The following UQCRC1 variants were observed in gnomAD, a reference collection of about 807,000 sequenced individuals.
UQCRC1 encodes ubiquinol-cytochrome c reductase core protein 1.
A neutral mutation model predicts 58.0 loss-of-function variants in UQCRC1; 34 were observed. That is an observed-to-expected ratio of 0.59 (90% CI 0.45 to 0.78). UQCRC1 has a LOEUF of 0.78. UQCRC1 is among the 30% of genes least tolerant of loss of function. The pLI is 0.00. For synonymous variants in UQCRC1, 276 were observed against 248.8 expected (o/e 1.11, Z -1.03); for missense variants, 610 against 646.0 (o/e 0.94, Z 0.60).
At position 48,599,075 on chromosome 3, in the gene UQCRC1, G is replaced by T. The variant is rs370109439; in HGVS notation, c.*53C>A. On this transcript the variant is annotated 3_prime_UTR_variant, in exon 13 of 13. Transcript: ENST00000203407. ...GAGCCGAAGTGCTGTGTTTGTGGTG[G>T]GGGGGGGACCACAAACCCCGGCCCT... The T allele has an allele frequency of 2.1e-5, 33 of 1,590,308 alleles. No individual in the cohort carries two copies. Among genetic ancestry groups the T allele is most frequent in the Non-Finnish European group, 2.8e-5 (32 of 1,161,684 alleles).
At position 48,600,501 on chromosome 3, in the gene UQCRC1, G is replaced by A. The variant is rs375476376; in HGVS notation, c.1194C>T (p.Ala398=). Residue 398 remains alanine, a synonymous_variant, in exon 10 of 13, where the codon GCC becomes GCT. Coordinates refer to ENST00000203407, the MANE Select transcript of UQCRC1 (RefSeq NM_003365.3). Reference sequence around the variant, plus strand: ...ACTCACCATCTAGATGAGATACCAGGGCATTTCTGAGGATGTTTTTGCCCC... The same window carrying A: ...ACTCACCATCTAGATGAGATACCAGAGCATTTCTGAGGATGTTTTTGCCCC... The part of the protein sequence containing the change: ...VARGKNILRN[A]LVSHLDGTTP... 6.2e-7 allele frequency: 1 copy of A among 1,614,088 alleles called. No homozygotes were observed. The highest frequency in any genetic ancestry group is 8.5e-7 in the Non-Finnish European group (1 of 1,180,012).
chr3:48,608,770 T>C (rs916984344), intron 2 of UQCRC1, among the ~76,000 whole-genome samples: 2 of 152,224 alleles, frequency 1.3e-5, no homozygotes, highest in African/African-American at 4.8e-5. Context: ...AATGTATTTC[T>C]GGTCTAGCCT....
intron 6 of UQCRC1, 73 bp from the exon 7 acceptor site, chr3:48,601,540 C>A (rs2046366560): frequency 7.2e-7 from 1 of 1,383,538 alleles, no homozygotes; most frequent in Non-Finnish European, 1.0e-6. Context: ...CACAGACAGG[C>A]AGAGGACCCC....
Position 48,599,955 on chromosome 3 carries a change from C to T in UQCRC1, c.1302+108G>A, listed in dbSNP as rs981292906. 13 of 1,385,446 alleles carry T rather than the reference C, an allele frequency of 9.4e-6. No individual in the cohort carries two copies. The African/African-American group carries it at 1.6e-4, about 17-fold the overall frequency. The allele number at this position is 1,385,446 out of a possible 1,614,324, so 85.8% of individuals were successfully genotyped here. A position where few individuals can be genotyped will look rare whatever the true frequency, so the allele number is the denominator to read the frequency against. ...CTGCAGGTGACAGCTGCCTAGGACA[C>T]CAGGGATGCCTATAGGAGCAGGCTG... On this transcript the variant is annotated intron_variant, in intron 11 of 12. Transcript: ENST00000203407.
intron 11 of UQCRC1, among the ~76,000 whole-genome samples, 156 bp downstream of exon 11, chr3:48,599,907 C>G (rs564291836): frequency 2.0e-5 from 3 of 152,318 alleles, no homozygotes; most frequent in Admixed American, 2.0e-4. Context: ...GCACCTATGC[C>G]CTGCCCTCCC....
rs2046335246 is a variant in UQCRC1 at position 48,599,007 on chromosome 3, A to G, written c.*121T>C. 3.4e-6 allele frequency: 4 copies of G among 1,186,890 alleles called. No homozygotes were observed. The South Asian group carries it at 4.0e-5, about 12-fold the overall frequency. The allele number at this position is 1,186,890 out of a possible 1,614,324, so 73.5% of individuals were successfully genotyped here. A position where few individuals can be genotyped will look rare whatever the true frequency, so the allele number is the denominator to read the frequency against. On this transcript the variant is annotated 3_prime_UTR_variant, in exon 13 of 13. Transcript: ENST00000203407. ...CCAAAAGAGGGATGACACACTTCTC[A>G]GCAGAGGATTTTATTGGTGGTCACC... is the stretch of plus-strand genomic sequence containing the variant.
At chr3:48,599,931 T>A (rs2046347943) in intron 11 of UQCRC1, 132 bp downstream of exon 11, 4 of 1,188,516 alleles carry the variant, frequency 3.4e-6, no homozygotes, top group Non-Finnish European at 2.4e-6. Flanking sequence ...ATGCTACCCC[T>A]GCAGGTGACA....
chr3:48,608,334 A>C (rs1352612680), intron 2 of UQCRC1, among the ~76,000 whole-genome samples: 1 of 152,256 alleles, frequency 6.6e-6, no homozygotes, highest in Non-Finnish European at 1.5e-5. Flanking sequence ...CTTGGAATGC[A>C]AGAGGCATTT....
In UQCRC1 at chr3:48,604,744, CCTT is replaced by C; in HGVS notation, c.331_333del (p.Lys111del). On this transcript the variant is annotated inframe_deletion, in exon 4 of 13. Coordinates refer to ENST00000203407, the MANE Select transcript of UQCRC1 (RefSeq NM_003365.3). Reference sequence around the variant, plus strand: ...AGATGGGCCCCCATGCTCTCCACCTCCTTCTCCAGGGCACTGCCAGGCCGATTC... The same window carrying C: ...AGATGGGCCCCCATGCTCTCCACCTCCTCCAGGGCACTGCCAGGCCGATTC... The C allele has an allele frequency of 6.2e-7, 1 of 1,614,174 alleles. No individual in the cohort carries two copies. Among genetic ancestry groups the C allele is most frequent in the Non-Finnish European group, 8.5e-7 (1 of 1,180,020 alleles).
chr3:48,600,411 A>G, intron 10 of UQCRC1, 71 bp downstream of exon 10: 1 of 1,578,850 alleles, frequency 6.3e-7, no homozygotes, highest in Non-Finnish European at 8.7e-7. Flanking sequence ...GTTAGTTAGG[A>G]GCAGTGGCCA....
chr3:48,600,535 T>G lies in UQCRC1; in HGVS notation c.1160A>C (p.Glu387Ala). ...GAGGATGTTTTTGCCCCGGGCCACC[T>G]CACTCTCCGTGGCACTGGTACACAG... ...MRLCTSATES[E>A]VARGKNILRN... The change falls in exon 10 of 13, where the codon GAG (glutamate) becomes GCG (alanine). Residue 387 changes from glutamate to alanine, a missense_variant. By Grantham distance (107) the Glu-to-Ala change is moderately radical. Transcript: ENST00000203407. 1 of 1,614,088 alleles carries G rather than the reference T, an allele frequency of 6.2e-7. No individual in the cohort carries two copies. The highest frequency in any genetic ancestry group is 8.5e-7 in the Non-Finnish European group (1 of 1,180,004).
chr3:48,607,329 C>A (rs913036493), intron 2 of UQCRC1, among the ~76,000 whole-genome samples: 1 of 152,180 alleles, frequency 6.6e-6, no homozygotes, highest in Non-Finnish European at 1.5e-5. Flanking sequence ...GCGTGAGCCA[C>A]CGCGTCTAGC....
chr3:48,607,186 C>T (rs1423056393), intron 2 of UQCRC1, among the ~76,000 whole-genome samples: 8 of 152,138 alleles, frequency 5.3e-5, no homozygotes, highest in South Asian at 2.1e-4. Context: ...GAACTACAGG[C>T]GCCCGCCACC....
rs777382202 is a variant in UQCRC1, at chr3:48,601,011, G to A, written c.930C>T (p.Ile310=). The A allele has an allele frequency of 6.2e-7, 1 of 1,608,034 alleles. No homozygotes were observed. The highest frequency in any genetic ancestry group is 1.1e-5 in the South Asian group (1 of 90,902). Residue 310 remains isoleucine (I), a synonymous_variant, in exon 8 of 13, where the codon ATC becomes ATT. Coordinates refer to ENST00000203407, the MANE Select transcript of UQCRC1 (RefSeq NM_003365.3). ...DNVALQVANA[I]IGHYDCTYGG... ...CATAAGTGCAGTCATAGTGGCCGATGATGGCATTGGCCACTTGCAAGGCCA... is the reference window on the plus strand; with the variant it reads ...CATAAGTGCAGTCATAGTGGCCGATAATGGCATTGGCCACTTGCAAGGCCA...
chr3:48,599,079 G>T lies in UQCRC1; in HGVS notation c.*49C>A. ...CGAAGTGCTGTGTTTGTGGTGGGGG[G>T]GGGACCACAAACCCCGGCCCTGCCC... is the stretch of plus-strand genomic sequence containing the variant. On this transcript the variant is annotated 3_prime_UTR_variant, in exon 13 of 13. Coordinates refer to ENST00000203407, the MANE Select transcript of UQCRC1 (RefSeq NM_003365.3). 1 of 1,600,804 alleles carries T rather than the reference G, an allele frequency of 6.2e-7. No individual in the cohort carries two copies.
chr3:48,600,201 C>T (rs749308153), intron 10 of UQCRC1, 50 bp from the exon 11 acceptor site: 1 of 1,591,598 alleles, frequency 6.3e-7, no homozygotes. Context: ...AATCCTGGAC[C>T]CACAGGTACA....
intron 2 of UQCRC1, 25 bp downstream of exon 2, chr3:48,609,137 C>T (rs1174998925): frequency 6.3e-7 from 1 of 1,585,576 alleles, no homozygotes. Flanking sequence ...TGGAGGCCCT[C>T]TCCCCAAAAG....
At position 48,609,156 on chromosome 3, in the gene UQCRC1, A is replaced by G. The variant is rs759788498; in HGVS notation, c.210+6T>C. On this transcript the variant is annotated splice_donor_region_variant and intron_variant, in intron 2 of 12. Transcript: ENST00000203407. ...GGCCCTCTCCCCAAAAGCGTCCCCA[A>G]CTCACCGTGCAAGTGGGCTGAGAGG... 10 of 1,602,520 alleles carry G rather than the reference A, an allele frequency of 6.2e-6. No individual in the cohort carries two copies. The highest frequency in any genetic ancestry group is 4.5e-5 in the East Asian group (2 of 44,588).
In UQCRC1 at chr3:48,609,376, C is replaced by A. The variant is rs191615367; in HGVS notation, c.70-74G>T. ...CCCACCTCCCAGGTCCTCAGGAGGACCCCCGAACCCCGCCCCTAGGCAAGC... is the reference window on the plus strand; with the variant it reads ...CCCACCTCCCAGGTCCTCAGGAGGAACCCCGAACCCCGCCCCTAGGCAAGC... On this transcript the variant is annotated intron_variant, in intron 1 of 12. Transcript: ENST00000203407. 1.7e-3 allele frequency: 2,619 copies of A among 1,546,700 alleles called. 70 individuals carry two copies. In the Admixed American group the frequency reaches 0.04, roughly 24 times the overall value.
Sources: gnomAD v4.1 joint callset for allele counts (sites outside exome capture counted in the v4.1 genomes callset) on GRCh38, gnomAD v4.1.1 for gene constraint, MANE v1.5 for transcripts, NCBI Gene and HGNC (gene_info 2026-07-23, HGNC 2026-07-21) for gene names.